Variants in SDK1 observed in about 807,000 individuals in gnomAD.
The protein encoded by SDK1 is sidekick cell adhesion molecule 1.
Under a neutral mutation model 245.5 loss-of-function variants are expected in SDK1, and 157 were observed. That is an observed-to-expected ratio of 0.64 (90% CI 0.56 to 0.73). The LOEUF (loss-of-function observed/expected upper bound fraction) is 0.73, where lower values mean the gene tolerates loss of function less well. Ranked by LOEUF, SDK1 falls within the 30% of genes least tolerant of loss-of-function variation. The pLI is 0.00. For missense variants in SDK1, 3,583 were observed against 3,002.3 expected, an observed-to-expected ratio of 1.19 and a Z score of -4.52; for synonymous variants, 1,647 against 1,278.5, an observed-to-expected ratio of 1.29 and a Z score of -6.15.
chr7:3,809,712 T>C (rs1414830256), intron 4 of SDK1, among the ~76,000 whole-genome samples: 1 of 152,236 alleles, frequency 6.6e-6, no homozygotes, highest in Admixed American at 6.5e-5. Context: ...CTGCTGCGTA[T>C]GCTTGGTCCA....
intron 4 of SDK1, among the ~76,000 whole-genome samples, chr7:3,806,364 ATGTGGATGTC>A (rs879698172): frequency 0.034 from 3,981 of 116,024 alleles, 153 homozygotes; most frequent in African/African-American, 0.15. Context: ...CCACATTAGG[ATGTGGATGTC>A]CACATTAGGA....
intron 5 of SDK1, among the ~76,000 whole-genome samples, chr7:3,942,018 C>T (rs1193991887): frequency 6.6e-6 from 1 of 151,048 alleles, no homozygotes; most frequent in East Asian, 1.9e-4. Context: ...ATGCCATTCT[C>T]CTGCCTCAGC....
rs112637899 is a variant in SDK1 at position 3,960,729 on chromosome 7, T to C, written c.1234+1715T>C. 6.1e-4 allele frequency among the ~76,000 whole-genome samples: 93 copies of C among 152,316 alleles called. 1 individual carries two copies. The highest frequency in any genetic ancestry group is 1.2e-3 in the South Asian group (6 of 4,822). ...TTTCTGTTCTTCTCTGTTCCAGCTC[T>C]ACTGATTCGGCATAGGGGAGGGGGA... On this transcript the variant is annotated intron_variant, in intron 8 of 44. Transcript: ENST00000404826.
rs1005933723 is a variant in SDK1, at chr7:3,526,109, C to T, written c.299-92971C>T. Among the ~76,000 whole-genome samples the T allele has an allele frequency of 1.1e-4, 16 of 151,930 alleles. 1 individual carries two copies. Among genetic ancestry groups the T allele is most frequent in the East Asian group, 1.9e-4 (1 of 5,172 alleles). On this transcript the variant is annotated intron_variant, in intron 1 of 44. Coordinates refer to ENST00000404826, the MANE Select transcript of SDK1 (RefSeq NM_152744.4). Reference sequence around the variant, plus strand: ...ATTAGCGGGGTGTGATGGTGCATGCCGGTAATCCCAGCTATTCAGGAGCTG... The same window carrying T: ...ATTAGCGGGGTGTGATGGTGCATGCTGGTAATCCCAGCTATTCAGGAGCTG...
intron 7 of SDK1, among the ~76,000 whole-genome samples, chr7:3,954,230 G>A (rs1328860903): frequency 2.1e-4 from 27 of 129,578 alleles, no homozygotes; most frequent in Admixed American, 4.0e-4. Context: ...GCCCCTCTAC[G>A]CCCTCCACCC....
chr7:3,839,318 C>G (rs867651778), intron 5 of SDK1, among the ~76,000 whole-genome samples: 9 of 152,260 alleles, frequency 5.9e-5, no homozygotes, highest in Middle Eastern at 3.4e-3. Flanking sequence ...AAGTGGATGG[C>G]TTTAATAAGT....
intron 1 of SDK1, among the ~76,000 whole-genome samples, chr7:3,583,624 A>G (rs1027603360): frequency 1.1e-4 from 17 of 152,298 alleles, no homozygotes; most frequent in Non-Finnish European, 1.5e-4. Context: ...AATGAATAAC[A>G]TATCAGTCTC....
intron 28 of SDK1, among the ~76,000 whole-genome samples, chr7:4,137,993 A>G (rs934479491): frequency 2.6e-5 from 4 of 152,208 alleles, no homozygotes; most frequent in African/African-American, 7.2e-5. Context: ...AAGGTGAGCT[A>G]TAGGCATTCA....
chr7:3,347,278 T>C (rs1032658933), intron 1 of SDK1, among the ~76,000 whole-genome samples: 5 of 152,200 alleles, frequency 3.3e-5, no homozygotes, highest in Admixed American at 3.3e-4. Context: ...TTGGCACATA[T>C]CTTCTTATAC....
chr7:4,044,556 A>T (rs1015731519), intron 17 of SDK1, among the ~76,000 whole-genome samples: 1 of 151,992 alleles, frequency 6.6e-6, no homozygotes, highest in South Asian at 2.1e-4. Context: ...CCATCCTCCC[A>T]CCTCAGCCTC....
In SDK1 at chr7:4,220,129, G is replaced by A. The variant is rs765815781; in HGVS notation, c.5560G>A (p.Val1854Met). The A allele has an allele frequency of 4.8e-5, 78 of 1,613,854 alleles. No individual in the cohort carries two copies. The highest frequency in any genetic ancestry group is 1.1e-4 in the East Asian group (5 of 44,866). ...PVQGVSKVVT[V>M]EVRGNWQRWL... ...TGCAGGGGTGAGCAAGGTGGTGACC[G>A]TGGAAGTGAGAGGGAACTGGCAGCG... Residue 1854 changes from valine (V) to methionine (M), a missense_variant, in exon 39 of 45, where the codon GTG (valine) becomes ATG (methionine). Physicochemically the swap from Val to Met is conservative, Grantham distance 21 (BLOSUM62 1). Coordinates refer to ENST00000404826, the MANE Select transcript of SDK1 (RefSeq NM_152744.4).
At chr7:3,912,965 G>A (rs531590740) in intron 5 of SDK1, among the ~76,000 whole-genome samples, 6 of 152,366 alleles carry the variant, frequency 3.9e-5, no homozygotes, top group South Asian at 2.1e-4. Flanking sequence ...GTGGAGGGCC[G>A]AAGGCAAGCA....
chr7:3,993,846 C>T (rs963943138), intron 14 of SDK1, among the ~76,000 whole-genome samples: 9 of 152,188 alleles, frequency 5.9e-5, no homozygotes, highest in Non-Finnish European at 1.2e-4. Context: ...ACTCTTCTCT[C>T]CTGAGGCCAT....
chr7:3,661,940 TG>T (rs1783374930), intron 4 of SDK1, among the ~76,000 whole-genome samples: 1 of 152,100 alleles, frequency 6.6e-6, no homozygotes, highest in Non-Finnish European at 1.5e-5. Context: ...GACTACTACC[TG>T]GGTGTAGTAA....
At chr7:3,699,551 G>A (rs928120406) in intron 4 of SDK1, among the ~76,000 whole-genome samples, 1 of 152,040 alleles carries the variant, frequency 6.6e-6, no homozygotes, top group African/African-American at 2.4e-5. Flanking sequence ...AAGAATCCGT[G>A]AACTTGAAGA....
intron 35 of SDK1, among the ~76,000 whole-genome samples, chr7:4,202,377 C>T (rs1374026912): frequency 6.6e-6 from 1 of 152,242 alleles, no homozygotes; most frequent in Non-Finnish European, 1.5e-5. Flanking sequence ...ATCTTCTCTT[C>T]TGCTACCTGC....
chr7:4,228,880 A>T (rs1050010461), intron 40 of SDK1, among the ~76,000 whole-genome samples: 4 of 152,094 alleles, frequency 2.6e-5, no homozygotes, highest in African/African-American at 9.7e-5. Flanking sequence ...TCACTGGGGA[A>T]GAGAAACCAG....
chr7:3,443,845 A>C (rs573473106), intron 1 of SDK1, among the ~76,000 whole-genome samples: 11 of 152,244 alleles, frequency 7.2e-5, no homozygotes. Flanking sequence ...GAAGTTGTAT[A>C]ATAAAGTGCA....
At chr7:4,186,674 C>A (rs1467772493) in intron 35 of SDK1, among the ~76,000 whole-genome samples, 1 of 152,090 alleles carries the variant, frequency 6.6e-6, no homozygotes, top group Non-Finnish European at 1.5e-5. Flanking sequence ...ATGAGTAGAG[C>A]CCCCCGCTGC....
Sources: gnomAD v4.1 joint callset for allele counts (sites outside exome capture counted in the v4.1 genomes callset) on GRCh38, gnomAD v4.1.1 for gene constraint, MANE v1.5 for transcripts, NCBI Gene and HGNC (gene_info 2026-07-23, HGNC 2026-07-21) for gene names.